Variants in MYADML2 observed in about 807,000 individuals in gnomAD.
The protein encoded by MYADML2 is myeloid associated differentiation marker like 2.
Under a neutral mutation model 16.0 loss-of-function variants are expected in MYADML2, and 17 were observed. The observed-to-expected ratio is 1.06, with a 90% CI of 0.73 to 1.60. MYADML2 has a LOEUF of 1.60. MYADML2 is among the 40% of genes most tolerant of loss of function. The pLI, the probability that MYADML2 is intolerant of heterozygous loss-of-function variation, is 0.00. For missense variants in MYADML2, 422 were observed against 437.7 expected (o/e 0.96, Z 0.32); for synonymous variants, 210 against 208.1 (o/e 1.01, Z -0.08).
Position 81,940,837 on chromosome 17 carries a change from C to T in MYADML2, c.905G>A (p.Arg302His), listed in dbSNP as rs548416662. 58 of 1,508,450 alleles carry T rather than the reference C, an allele frequency of 3.8e-5. No homozygotes were observed. In the African/African-American group the frequency reaches 5.2e-4, roughly 14 times the overall value. 93.4% of individuals were successfully genotyped at this position (1,508,450 alleles called of 1,614,324 possible). A position where few individuals can be genotyped will look rare whatever the true frequency, so the allele number is the denominator to read the frequency against. ...TGTGGGCTACAGGCTGGGCACGAAG[C>T]GAATCCTCTGGGAGTAGGCGAGGTC... ...VVDLAYSQRI[R>H]FVPSL is the part of the protein sequence containing the mutation. The change falls in exon 3 of 3, where the codon CGC becomes CAC. Residue 302 changes from arginine to histidine, a missense_variant. By Grantham distance (29) the Arg-to-His change is conservative (BLOSUM62 0). Coordinates refer to ENST00000409745, the MANE Select transcript of MYADML2 (RefSeq NM_001145113.3).
In MYADML2 at chr17:81,943,074, CTT is replaced by C. The variant is rs111803467; in HGVS notation, c.-180-703_-180-702del. ...TTTTTAAAAAGGAAAAAAATGATAT[CTT>C]TTTTTTTTTTTGAGACGGAGTCTTG... On this transcript the variant is annotated intron_variant, in intron 1 of 2. Coordinates refer to ENST00000409745, the MANE Select transcript of MYADML2 (RefSeq NM_001145113.3). Among the ~76,000 whole-genome samples the C allele has an allele frequency of 1.3e-3, 183 of 146,146 alleles. 1 individual carries two copies. Among genetic ancestry groups the C allele is most frequent in the African/African-American group, 4.5e-3 (179 of 40,068 alleles).
At chr17:81,945,460 A>G (rs1013981954) in intron 1 of MYADML2, among the ~76,000 whole-genome samples, 9 of 151,640 alleles carry the variant, frequency 5.9e-5, no homozygotes, top group Non-Finnish European at 1.3e-4. Context: ...AATGGCGTGA[A>G]CCCGGGAGGC....
intron 1 of MYADML2, among the ~76,000 whole-genome samples, chr17:81,944,591 G>T (rs542570274): frequency 2.6e-5 from 4 of 152,146 alleles, no homozygotes; most frequent in Admixed American, 2.0e-4. Context: ...CTGACATGGG[G>T]CTCCCAATCC....
chr17:81,941,753 C>T lies in MYADML2; in HGVS notation c.-12G>A, dbSNP rs777916103. ...ATGGTGCTGCCCATCTGGCCAGCCA[C>T]GTTTCCAGCTCACACAGTCCCCCAA... On this transcript the variant is annotated 5_prime_UTR_variant, in exon 3 of 3. The change creates a new upstream start codon in the 5' untranslated region. Transcript: ENST00000409745. 7.4e-6 allele frequency: 11 copies of T among 1,493,108 alleles called. No individual in the cohort carries two copies. Among genetic ancestry groups the T allele is most frequent in the East Asian group, 2.5e-5 (1 of 40,278 alleles). The allele number at this position is 1,493,108 out of a possible 1,614,324, so 92.5% of individuals were successfully genotyped here.
intron 1 of MYADML2, among the ~76,000 whole-genome samples, chr17:81,946,392 T>G (rs1217193601): frequency 6.6e-6 from 1 of 150,938 alleles, no homozygotes; most frequent in Non-Finnish European, 1.5e-5. Flanking sequence ...CTCATGCCTG[T>G]AATCCCAGCA....
At position 81,942,406 on chromosome 17, in the gene MYADML2, C is replaced by G. The variant is rs1358040601; in HGVS notation, c.-180-33G>C. On this transcript the variant is annotated intron_variant, in intron 1 of 2. Transcript: ENST00000409745. This position sits in a 1 kb window ranked among gnomAD's most constrained non-coding sequence, Gnocchi z 4.4. Reference sequence around the variant, plus strand: ...GGCCAGAGGAGCAGAGCATGGAGACCGTGGCCTCTGCTCCCCGAGCCCCGC... The same window carrying G: ...GGCCAGAGGAGCAGAGCATGGAGACGGTGGCCTCTGCTCCCCGAGCCCCGC... 1 of 152,276 alleles carries G rather than the reference C, an allele frequency of 6.6e-6. No individual in the cohort carries two copies. The highest frequency in any genetic ancestry group is 2.1e-4 in the South Asian group (1 of 4,838). The allele number at this position is 152,276 out of a possible 1,614,324, so 9.4% of individuals were successfully genotyped here.
Position 81,940,820 on chromosome 17 carries a change from A to C in MYADML2, c.922T>G (p.Ter308GluextTer24). The C allele has an allele frequency of 6.7e-7, 1 of 1,497,440 alleles. No individual in the cohort carries two copies. The highest frequency in any genetic ancestry group is 9.0e-7 in the Non-Finnish European group (1 of 1,116,166). The allele number at this position is 1,497,440 out of a possible 1,614,324, so 92.8% of individuals were successfully genotyped here. The change falls in exon 3 of 3, where the codon TAG becomes GAG. Residue 308 changes from the stop codon to glutamate (E), a stop_lost. Coordinates refer to ENST00000409745, the MANE Select transcript of MYADML2 (RefSeq NM_001145113.3). ...GGTGGGTGGGCTGCCACTGTGGGCT[A>C]CAGGCTGGGCACGAAGCGAATCCTC... ...SQRIRFVPSL[*>E] is the part of the protein sequence containing the mutation.
Position 81,941,339 on chromosome 17 carries a change from C to A in MYADML2, c.403G>T (p.Ala135Ser), listed in dbSNP as rs964581859. 6.5e-7 allele frequency: 1 copy of A among 1,549,068 alleles called. No individual in the cohort carries two copies. The highest frequency in any genetic ancestry group is 8.7e-7 in the Non-Finnish European group (1 of 1,146,318). ...GCGTAGGCCAGGAAGAGGAGCCCGGCGAAGACACTGGCTGCCAGGCGGAAG... is the reference window on the plus strand; with the variant it reads ...GCGTAGGCCAGGAAGAGGAGCCCGGAGAAGACACTGGCTGCCAGGCGGAAG... Reference protein sequence around the residue: ...RDFRLAASVFAGLLFLAYAVE... With the variant: ...RDFRLAASVFSGLLFLAYAVE... Residue 135 changes from alanine (A) to serine (S), a missense_variant, in exon 3 of 3, where the codon GCC becomes TCC. Transcript: ENST00000409745.
At chr17:81,944,110 T>TAAAAAAAAA in intron 1 of MYADML2, among the ~76,000 whole-genome samples, 1 of 133,402 alleles carries the variant, frequency 7.5e-6, no homozygotes, top group African/African-American at 2.9e-5. Context: ...AGATTCCGTC[T>TAAAAAAAAA]CAAAAAAAAA....
At chr17:81,945,660 C>T (rs2041339607) in intron 1 of MYADML2, among the ~76,000 whole-genome samples, 1 of 151,436 alleles carries the variant, frequency 6.6e-6, no homozygotes, top group Non-Finnish European at 1.5e-5. Flanking sequence ...TGAGATTGCA[C>T]CACTGCACTC....
In MYADML2 at chr17:81,941,661, C is replaced by T. The variant is rs777189971; in HGVS notation, c.81G>A (p.Val27=). Residue 27 remains valine, a synonymous_variant, in exon 3 of 3, where the codon GTG becomes GTA. Coordinates refer to ENST00000409745, the MANE Select transcript of MYADML2 (RefSeq NM_001145113.3). ...TAGTGCAGCCAAAGGCCAGCTGCAGCACGCGGGCTGTGCCCACAGGGGATG... is the reference window on the plus strand; with the variant it reads ...TAGTGCAGCCAAAGGCCAGCTGCAGTACGCGGGCTGTGCCCACAGGGGATG... ...AVTSPVGTAR[V]LQLAFGCTTF... is the part of the protein sequence containing the mutation. 2.3e-5 allele frequency: 35 copies of T among 1,549,482 alleles called. No individual in the cohort carries two copies. The South Asian group carries it at 3.6e-4, about 16-fold the overall frequency.
chr17:81,946,346 T>C (rs1349781514), intron 1 of MYADML2, among the ~76,000 whole-genome samples: 2 of 143,446 alleles, frequency 1.4e-5, no homozygotes, highest in Non-Finnish European at 3.0e-5. Context: ...AGAGCAAGAC[T>C]CAGTCTCGAA....
intron 1 of MYADML2, among the ~76,000 whole-genome samples, chr17:81,944,410 A>G (rs1473805906): frequency 2.6e-5 from 4 of 151,902 alleles, no homozygotes; most frequent in African/African-American, 9.7e-5. Flanking sequence ...AAAGAAAGAA[A>G]AAGAAAAAGA....
In MYADML2 at chr17:81,942,144, G is replaced by A. The variant is rs922947748; in HGVS notation, c.-103+152C>T. The A allele has an allele frequency of 1.2e-5, 2 of 173,336 alleles. No homozygotes were observed. Among genetic ancestry groups the A allele is most frequent in the Non-Finnish European group, 2.4e-5 (2 of 81,726 alleles). The allele number at this position is 173,336 out of a possible 1,614,324, so 10.7% of individuals were successfully genotyped here. ...GGGAGGGGGAGGGAGAAGGAGGGGA[G>A]CAAAGAGCATGAGGGTCCCCACGGG... On this transcript the variant is annotated intron_variant, in intron 2 of 2. Coordinates refer to ENST00000409745, the MANE Select transcript of MYADML2 (RefSeq NM_001145113.3). The surrounding 1 kb of genome is among the most constrained non-coding windows in gnomAD (Gnocchi z 4.4).
chr17:81,943,606 T>G (rs1044667209), intron 1 of MYADML2, among the ~76,000 whole-genome samples: 5 of 149,582 alleles, frequency 3.3e-5, no homozygotes, highest in African/African-American at 9.8e-5. Flanking sequence ...GGTTTCACCA[T>G]GTTAGCCAGG....
chr17:81,941,949 C>CCGGAATAGCAG (rs1437983634), intron 2 of MYADML2, 106 bp from the exon 3 acceptor site: 17 of 511,326 alleles, frequency 3.3e-5, no homozygotes, highest in Non-Finnish European at 1.0e-5. Flanking sequence ...GATCAGAGCC[C>CCGGAATAGCAG]CGGAATAGCA....
In MYADML2 at chr17:81,941,626, AG is replaced by A. The variant is rs1037284375; in HGVS notation, c.115del (p.Leu39TrpfsTer110). 2 of 1,549,166 alleles carry A rather than the reference AG, an allele frequency of 1.3e-6. No individual in the cohort carries two copies. Among genetic ancestry groups the A allele is most frequent in the African/African-American group, 2.7e-5 (2 of 73,050 alleles). On this transcript the variant is annotated frameshift_variant, in exon 3 of 3. Coordinates refer to ENST00000409745, the MANE Select transcript of MYADML2 (RefSeq NM_001145113.3). LOFTEE classifies it high-confidence loss of function. ...QLAFGCTTFS[L>X]VAHRGGFAGV... ...CGCAAAGCCACCCCGGTGGGCCACC[AG>A]GCTGAAGGTAGTGCAGCCAAAGGCC...
At chr17:81,945,950 G>A (rs778304755) in intron 1 of MYADML2, among the ~76,000 whole-genome samples, 11 of 152,234 alleles carry the variant, frequency 7.2e-5, no homozygotes, top group Middle Eastern at 3.4e-3. Context: ...CAAAACTGGA[G>A]GAGGGGCCAT....
intron 1 of MYADML2, among the ~76,000 whole-genome samples, chr17:81,946,581 G>T (rs1384348948): frequency 1.3e-5 from 2 of 152,082 alleles, no homozygotes; most frequent in Non-Finnish European, 2.9e-5. Context: ...CCGGGAGGCA[G>T]AGCTTGCAGT....
Sources: allele counts gnomAD v4.1 joint callset (sites outside exome capture counted in the v4.1 genomes callset), GRCh38; gene constraint gnomAD v4.1.1; non-coding constraint Gnocchi (gnomAD v3.1); transcripts MANE v1.5; gene names NCBI Gene and HGNC (gene_info 2026-07-23, HGNC 2026-07-21).